CIITA: variants seen among roughly 807,000 people sequenced by gnomAD.
CIITA encodes class II major histocompatibility complex transactivator.
Under a neutral mutation model 115.1 loss-of-function variants are expected in CIITA, and 72 were observed. The ratio of observed to expected loss-of-function variants is 0.63; its 90% confidence interval spans 0.52 to 0.76. The LOEUF is 0.76. CIITA is among the 30% of genes least tolerant of loss of function. The probability of loss-of-function intolerance (pLI) is 0.00; values close to 1 mark genes in which losing one functional copy is unlikely to be tolerated. For missense variants in CIITA, 1,617 were observed against 1,463.8 expected, an observed-to-expected ratio of 1.10 and a Z score of -1.71; for synonymous variants, 763 against 635.6, an observed-to-expected ratio of 1.20 and a Z score of -3.02.
At chr16:10,876,244 G>A (rs1729962334), upstream of CIITA, among the ~76,000 whole-genome samples, 1 of 152,272 alleles carries the variant, frequency 6.6e-6, no homozygotes, top group Middle Eastern at 3.4e-3. Flanking sequence ...CCAACTCCCG[G>A]CTTCAAGCAA....
Position 10,901,813 on chromosome 16 carries a change from C to A in CIITA, c.482-225C>A. ...TCTGCCCCAGCTCTCCGTGTGGAGGCCCTAGGGTCCTGCTCAGCATAGCTC... is the reference window on the plus strand; with the variant it reads ...TCTGCCCCAGCTCTCCGTGTGGAGGACCTAGGGTCCTGCTCAGCATAGCTC... On this transcript the variant is annotated intron_variant, in intron 6 of 19. Transcript: ENST00000324288. This position sits in a 1 kb window ranked among gnomAD's most constrained non-coding sequence, Gnocchi z 6.8. 1.4e-6 allele frequency: 1 copy of A among 709,672 alleles called. No individual in the cohort carries two copies. The highest frequency in any genetic ancestry group is 2.4e-6 in the Non-Finnish European group (1 of 416,988). The allele number at this position is 709,672 out of a possible 1,614,324, so 44.0% of individuals were successfully genotyped here. A position where few individuals can be genotyped will look rare whatever the true frequency, so the allele number is the denominator to read the frequency against.
chr16:10,908,462 G>A (rs1046688853), intron 11 of CIITA: 7 of 490,088 alleles, frequency 1.4e-5, no homozygotes, highest in Admixed American at 3.2e-5. Flanking sequence ...CACCCCCTGA[G>A]CACGCCACCG....
chr16:10,907,915 A>T lies in CIITA; in HGVS notation c.2423A>T (p.Glu808Val). 6.3e-7 allele frequency: 1 copy of T among 1,577,736 alleles called. No homozygotes were observed. Among genetic ancestry groups the T allele is most frequent in the Non-Finnish European group, 8.6e-7 (1 of 1,162,778 alleles). ...PGTLRARQLL[E>V]LLHCAHEAEE... is the part of the protein sequence containing the mutation. ...ACACTGCGGGCGCGGCAGCTGCTGG[A>T]GCTGCTGCACTGCGCCCACGAGGCC... The change falls in exon 11 of 20, where the codon GAG becomes GTG. Residue 808 changes from glutamate to valine, a missense_variant. Coordinates refer to ENST00000324288, the MANE Select transcript of CIITA (RefSeq NM_000246.4). This position sits in a 1 kb window ranked among gnomAD's most constrained non-coding sequence, Gnocchi z 5.0.
chr16:10,903,872 T>A lies in CIITA; in HGVS notation c.914T>A (p.Leu305Gln), dbSNP rs777933067. The A allele has an allele frequency of 2.5e-6, 4 of 1,614,104 alleles. No homozygotes were observed. The African/African-American group carries it at 5.3e-5, about 22-fold the overall frequency. Residue 305 changes from leucine (L) to glutamine (Q), a missense_variant, in exon 9 of 20, where the codon CTG becomes CAG. Physicochemically the swap from Leu to Gln is moderately radical, Grantham distance 113 (BLOSUM62 -2). Coordinates refer to ENST00000324288, the MANE Select transcript of CIITA (RefSeq NM_000246.4). ...CTGCCCAGCATGCCTGAACCTGCCC[T>A]GACCTCCCGAGCAAACATGACAGGT... ...TDLPSMPEPALTSRANMTEHK... is the reference protein window; with the variant it reads ...TDLPSMPEPAQTSRANMTEHK...
At chr16:10,905,570 G>A (rs2039081895) in intron 10 of CIITA, among the ~76,000 whole-genome samples, 1 of 152,066 alleles carries the variant, frequency 6.6e-6, no homozygotes, top group Non-Finnish European at 1.5e-5. Flanking sequence ...AGACCAGCCT[G>A]GCCAACATAG....
Position 10,907,347 on chromosome 16 carries a change from C to T in CIITA, c.1855C>T (p.Gln619Ter). The T allele has an allele frequency of 1.2e-6, 2 of 1,613,568 alleles. No individual in the cohort carries two copies. The highest frequency in any genetic ancestry group is 1.7e-6 in the Non-Finnish European group (2 of 1,180,008). ...CCCTACTTTGTGCCGGGCAGTGTGC[C>T]AGCTCTCAGAGGCCCTGCTGGAGCT... ...HSPTLCRAVC[Q>*]LSEALLELGE... The change falls in exon 11 of 20, where the codon CAG becomes TAG. Residue 619 changes from glutamine (Q) to a stop codon, truncating the protein, a stop_gained. Transcript: ENST00000324288. LOFTEE classifies it high-confidence loss of function. This position sits in a 1 kb window ranked among gnomAD's most constrained non-coding sequence, Gnocchi z 5.0.
At position 10,929,645 on chromosome 16, in the gene CIITA, G is replaced by A; in HGVS notation, c.*5790G>A. 4.7e-6 allele frequency: 4 copies of A among 852,298 alleles called. No homozygotes were observed. Among genetic ancestry groups the A allele is most frequent in the Non-Finnish European group, 5.6e-6 (4 of 708,700 alleles). 52.8% of individuals were successfully genotyped at this position (852,298 alleles called of 1,614,324 possible). A position where few individuals can be genotyped will look rare whatever the true frequency, so the allele number is the denominator to read the frequency against. On this transcript the variant is annotated 3_prime_UTR_variant, in exon 20 of 20. Coordinates refer to ENST00000324288, the MANE Select transcript of CIITA (RefSeq NM_000246.4). The surrounding 1 kb of genome is among the most constrained non-coding windows in gnomAD (Gnocchi z 4.3). ...CTGGGGACAGGGACCAATCCACCAG[G>A]CTCGGGAGGCTTGGGGTGGGGCAGG...
chr16:10,912,634 C>A (rs2039658538), intron 13 of CIITA, among the ~76,000 whole-genome samples: 1 of 152,180 alleles, frequency 6.6e-6, no homozygotes, highest in Non-Finnish European at 1.5e-5. Flanking sequence ...TTGTTTTGAA[C>A]AGAGACAAGG....
chr16:10,913,934 C>A (rs1183518302), intron 13 of CIITA, among the ~76,000 whole-genome samples: 1 of 61,012 alleles, frequency 1.6e-5, no homozygotes, highest in Non-Finnish European at 3.2e-5. Flanking sequence ...GAGTGAGACC[C>A]CATCTCAAAA....
At chr16:10,869,930 T>C (rs2035361248) in intron 1 of CIITA, among the ~76,000 whole-genome samples, 3 of 152,150 alleles carry the variant, frequency 2.0e-5, no homozygotes, top group Admixed American at 1.3e-4. Flanking sequence ...ATGTCCCAAA[T>C]ACCTAGCACA....
At chr16:10,909,818 C>T (rs1018943807) in intron 12 of CIITA, among the ~76,000 whole-genome samples, 8 of 152,132 alleles carry the variant, frequency 5.3e-5, no homozygotes, top group South Asian at 2.1e-4. Context: ...ACTGTAGCTT[C>T]GGAACTCCTG....
chr16:10,898,087 C>G (rs1395836742), intron 3 of CIITA, among the ~76,000 whole-genome samples: 2 of 152,180 alleles, frequency 1.3e-5, no homozygotes, highest in Non-Finnish European at 2.9e-5. Flanking sequence ...TCCAGGAAGC[C>G]TTCCCTGATT....
rs765852424 is a variant in CIITA, at chr16:10,907,707, T to C, written c.2215T>C (p.Leu739=). The C allele has an allele frequency of 6.2e-6, 10 of 1,614,096 alleles. No individual in the cohort carries two copies. In the South Asian group the frequency reaches 7.7e-5, roughly 12 times the overall value. The change falls in exon 11 of 20, where the codon TTG becomes CTG. Residue 739 remains leucine (L), a synonymous_variant. Transcript: ENST00000324288. This position sits in a 1 kb window ranked among gnomAD's most constrained non-coding sequence, Gnocchi z 5.0. ...CAAGGAGCTCCCGCAGTACCTAGCA[T>C]TGACCCCAAGGAAGAAGAGGCCCTA... is the stretch of plus-strand genomic sequence containing the variant. ...KDKELPQYLA[L]TPRKKRPYDN... is the part of the protein sequence containing the mutation.
intron 1 of CIITA, among the ~76,000 whole-genome samples, chr16:10,887,982 C>T (rs1469961620): frequency 6.6e-6 from 1 of 152,190 alleles, no homozygotes. Flanking sequence ...GCTATAATAA[C>T]AACAATCTCC....
In CIITA at chr16:10,941,447, G is replaced by T; in HGVS notation, n.573G>T. ...TCTGGCCATTCCTGGCATCCAGTTAGACCTGGAGGAGGTGAACGGAGGAGA... is the reference window on the plus strand; with the variant it reads ...TCTGGCCATTCCTGGCATCCAGTTATACCTGGAGGAGGTGAACGGAGGAGA... On this transcript the variant is annotated non_coding_transcript_exon_variant, in exon 2 of 2. Coordinates refer to the CIITA transcript ENST00000573379. This position sits in a 1 kb window ranked among gnomAD's most constrained non-coding sequence, Gnocchi z 6.4. 9.9e-7 allele frequency: 1 copy of T among 1,005,792 alleles called. No individual in the cohort carries two copies. Among genetic ancestry groups the T allele is most frequent in the Non-Finnish European group, 1.3e-6 (1 of 762,986 alleles). The allele number at this position is 1,005,792 out of a possible 1,614,324, so 62.3% of individuals were successfully genotyped here.
At chr16:10,921,219 A>C (rs939583085) in intron 16 of CIITA, among the ~76,000 whole-genome samples, 2 of 152,222 alleles carry the variant, frequency 1.3e-5, no homozygotes, top group East Asian at 3.8e-4. Context: ...TGGCAAAGTC[A>C]TGGCCCTGAA....
intron 13 of CIITA, among the ~76,000 whole-genome samples, chr16:10,911,216 C>T (rs555666000): frequency 7.0e-6 from 1 of 142,546 alleles, no homozygotes; most frequent in African/African-American, 3.0e-5. Flanking sequence ...CCTTTCTTCT[C>T]TCTTTCTTTT....
intron 1 of CIITA, among the ~76,000 whole-genome samples, chr16:10,890,206 C>G (rs532680893): frequency 6.6e-6 from 1 of 152,052 alleles, no homozygotes; most frequent in African/African-American, 2.4e-5. Context: ...CCTCTGGTGA[C>G]TTTTTGCCCA....
chr16:10,906,820 C>A lies in CIITA; in HGVS notation c.1328C>A (p.Pro443His). Reference sequence around the variant, plus strand: ...CGGGCCTGGGCTTGTGGCCGGCTTCCCCAGTACGACTTTGTCTTCTCTGTC... The same window carrying A: ...CGGGCCTGGGCTTGTGGCCGGCTTCACCAGTACGACTTTGTCTTCTCTGTC... Reference protein sequence around the residue: ...VSRAWACGRLPQYDFVFSVPC... With the variant: ...VSRAWACGRLHQYDFVFSVPC... Residue 443 changes from proline to histidine, a missense_variant, in exon 11 of 20, where the codon CCC becomes CAC. Transcript: ENST00000324288. The A allele has an allele frequency of 6.2e-7, 1 of 1,612,970 alleles. No individual in the cohort carries two copies. The highest frequency in any genetic ancestry group is 8.5e-7 in the Non-Finnish European group (1 of 1,180,038).
Sources: allele counts gnomAD v4.1 joint callset (sites outside exome capture counted in the v4.1 genomes callset), GRCh38; gene constraint gnomAD v4.1.1; non-coding constraint Gnocchi (gnomAD v3.1); transcripts MANE v1.5; gene names NCBI Gene and HGNC (gene_info 2026-07-23, HGNC 2026-07-21).